Variants in PLXNA4 observed in about 807,000 individuals in gnomAD.
PLXNA4 encodes the protein plexin A4.
Under a neutral mutation model 191.8 loss-of-function variants are expected in PLXNA4, and 44 were observed. The observed-to-expected ratio is 0.23, with a 90% CI of 0.18 to 0.29. The LOEUF is 0.29. PLXNA4 is among the 10% of genes least tolerant of loss of function. The pLI, the probability that PLXNA4 is intolerant of heterozygous loss-of-function variation, is 1.00. For synonymous variants in PLXNA4, 1,082 were observed against 1,009.5 expected, an observed-to-expected ratio of 1.07 and a Z score of -1.36; for missense variants, 1,800 against 2,488.8, an observed-to-expected ratio of 0.72 and a Z score of 5.89.
chr7:132,189,328 C>A (rs887975252), intron 14 of PLXNA4, among the ~76,000 whole-genome samples: 1 of 151,978 alleles, frequency 6.6e-6, no homozygotes, highest in African/African-American at 2.4e-5. Flanking sequence ...AAATATTTCA[C>A]GGTGGGTTTG....
intron 3 of PLXNA4, among the ~76,000 whole-genome samples, chr7:132,404,253 G>A (rs1465455502): frequency 1.3e-5 from 2 of 152,160 alleles, no homozygotes; most frequent in South Asian, 2.1e-4. Flanking sequence ...TGATGGGCCC[G>A]CCCAACACAA....
chr7:132,373,416 G>A (rs559616830), intron 3 of PLXNA4, among the ~76,000 whole-genome samples: 10 of 152,290 alleles, frequency 6.6e-5, no homozygotes, highest in South Asian at 4.1e-4. Context: ...CCAGGCCTCC[G>A]TAGCTCTGGA....
intron 2 of PLXNA4, among the ~76,000 whole-genome samples, chr7:132,645,588 G>A (rs945352989): frequency 1.3e-5 from 2 of 152,244 alleles, no homozygotes; most frequent in African/African-American, 4.8e-5. Context: ...AATACTGGGA[G>A]AGGATCTTAG....
At chr7:132,312,282 A>T (rs1801775797) in intron 3 of PLXNA4, among the ~76,000 whole-genome samples, 1 of 152,236 alleles carries the variant, frequency 6.6e-6, no homozygotes, top group East Asian at 1.9e-4. Flanking sequence ...CACTGGCCAC[A>T]GTTATTACAA....
chr7:132,367,589 C>T lies in PLXNA4; in HGVS notation c.1372-69367G>A, dbSNP rs191531415. The T allele has an allele frequency of 2.1e-3, 316 of 152,340 alleles. 3 individuals carry two copies. Among genetic ancestry groups the T allele is most frequent in the Middle Eastern group, 0.014 (4 of 296 alleles). 9.4% of individuals were successfully genotyped at this position (152,340 alleles called of 1,614,324 possible). On this transcript the variant is annotated intron_variant, in intron 3 of 31. Transcript: ENST00000321063. ...CAACACACAGGAAGACCAAGAAACC[C>T]GGAAGAATCACGAGTACAGAATAAA...
At chr7:132,383,297 A>G (rs1804975159) in intron 3 of PLXNA4, among the ~76,000 whole-genome samples, 1 of 152,184 alleles carries the variant, frequency 6.6e-6, no homozygotes, top group South Asian at 2.1e-4. Flanking sequence ...GGACATGGAT[A>G]TTTCAAAGCA....
chr7:132,275,962 T>C (rs1800261529), intron 4 of PLXNA4, among the ~76,000 whole-genome samples: 2 of 152,182 alleles, frequency 1.3e-5, no homozygotes, highest in African/African-American at 4.8e-5. Flanking sequence ...GGTGGCCAGC[T>C]CTCATTTCAT....
At chr7:132,138,591 G>A (rs754007659) in intron 30 of PLXNA4, among the ~76,000 whole-genome samples, 11 of 152,092 alleles carry the variant, frequency 7.2e-5, no homozygotes, top group Admixed American at 4.6e-4. Context: ...TTTGTACCCC[G>A]GTCCCGAAAA....
At chr7:132,421,075 C>T (rs563193634) in intron 3 of PLXNA4, among the ~76,000 whole-genome samples, 8 of 152,326 alleles carry the variant, frequency 5.3e-5, no homozygotes, top group Middle Eastern at 3.4e-3. Context: ...AACTCTGTCC[C>T]TGCTAAACTC....
At chr7:132,234,484 G>A (rs1053885045) in intron 5 of PLXNA4, among the ~76,000 whole-genome samples, 1 of 152,178 alleles carries the variant, frequency 6.6e-6, no homozygotes, top group African/African-American at 2.4e-5. Context: ...AGGTATCCAA[G>A]TCAATAGACT....
intron 9 of PLXNA4, among the ~76,000 whole-genome samples, chr7:132,223,143 C>T (rs539852388): frequency 6.6e-6 from 1 of 152,330 alleles, no homozygotes; most frequent in African/African-American, 2.4e-5. Context: ...CACTTCTCCT[C>T]TGTGAACAGT....
chr7:132,151,076 A>C (rs894152766), intron 25 of PLXNA4, among the ~76,000 whole-genome samples: 1 of 152,160 alleles, frequency 6.6e-6, no homozygotes, highest in Non-Finnish European at 1.5e-5. Flanking sequence ...CAAGGAGTAC[A>C]CTTAGCTTGC....
intron 9 of PLXNA4, among the ~76,000 whole-genome samples, chr7:132,218,361 A>G (rs1264033409): frequency 1.3e-5 from 2 of 152,194 alleles, no homozygotes; most frequent in African/African-American, 4.8e-5. Context: ...TTGAACTTCA[A>G]GAGAAGAGGC....
At chr7:132,368,036 G>A (rs1355301012) in intron 3 of PLXNA4, 2 of 152,168 alleles carry the variant, frequency 1.3e-5, no homozygotes, top group South Asian at 2.1e-4. Context: ...GATCACAGGG[G>A]GTGTAGAAAG....
intron 3 of PLXNA4, among the ~76,000 whole-genome samples, chr7:132,454,306 GT>G (rs1796235883): frequency 6.6e-6 from 1 of 152,176 alleles, no homozygotes; most frequent in Admixed American, 6.5e-5. Context: ...CAAAGTTCTT[GT>G]TCCTGCTTCT....
chr7:132,259,436 C>CAAAAAAAAAAAAAAAAAAAAAAAAAAA (rs55902635), intron 4 of PLXNA4, among the ~76,000 whole-genome samples: 29 of 33,866 alleles, frequency 8.6e-4, no homozygotes, highest in South Asian at 5.2e-3. Flanking sequence ...AACTCCAACT[C>CAAAAAAAAAAAAAAAAAAAAAAAAAAA]AAAAAAAAAA....
chr7:132,565,595 A>C (rs375277130), intron 1 of PLXNA4, among the ~76,000 whole-genome samples: 36 of 152,288 alleles, frequency 2.4e-4, no homozygotes, highest in East Asian at 2.1e-3. Flanking sequence ...CCAAGCAGGG[A>C]AACAAAGCAC....
At chr7:132,344,403 C>T (rs1010912538) in intron 3 of PLXNA4, among the ~76,000 whole-genome samples, 1 of 152,042 alleles carries the variant, frequency 6.6e-6, no homozygotes, top group African/African-American at 2.4e-5. Flanking sequence ...CTTTGAGCTC[C>T]CCAGAGGCAA....
chr7:132,518,178 G>A (rs1313977465), intron 1 of PLXNA4, among the ~76,000 whole-genome samples: 5 of 152,084 alleles, frequency 3.3e-5, no homozygotes, highest in East Asian at 1.9e-4. Context: ...CATTCGTCCC[G>A]GCCTTCACTG....
Sources: gnomAD v4.1 joint callset for allele counts (sites outside exome capture counted in the v4.1 genomes callset) on GRCh38, gnomAD v4.1.1 for gene constraint, MANE v1.5 for transcripts, NCBI Gene and HGNC (gene_info 2026-07-23, HGNC 2026-07-21) for gene names.